Variants in ZFHX3 observed in about 807,000 individuals in gnomAD.
ZFHX3 encodes the protein zinc finger homeobox protein 3.
In ZFHX3, 42 loss-of-function variants were observed where a neutral mutation model predicts 279.1. The ratio of observed to expected loss-of-function variants is 0.15; its 90% confidence interval spans 0.12 to 0.19. The LOEUF (loss-of-function observed/expected upper bound fraction) is 0.19, where lower values mean the gene tolerates loss of function less well. Among genes scored for constraint, ZFHX3 ranks in the 10% least tolerant of loss-of-function variants. The pLI is 1.00. For missense variants in ZFHX3, 4,981 were observed against 4,754.0 expected, an observed-to-expected ratio of 1.05 and a Z score of -1.40; for synonymous variants, 2,293 against 1,957.8, an observed-to-expected ratio of 1.17 and a Z score of -4.52.
At chr16:73,660,679 G>A (rs754961980) in intron 2 of ZFHX3, among the ~76,000 whole-genome samples, 6 of 151,938 alleles carry the variant, frequency 3.9e-5, no homozygotes, top group Non-Finnish European at 8.8e-5. Context: ...CAATGAAAAC[G>A]TGCTTTTGCA....
At chr16:73,755,031 G>A (rs1366030334) in intron 1 of ZFHX3, among the ~76,000 whole-genome samples, 1 of 152,144 alleles carries the variant, frequency 6.6e-6, no homozygotes, top group East Asian at 1.9e-4. Context: ...AGATGCTTGT[G>A]TCATTTCTAC....
chr16:73,270,079 C>T (rs750164316), intron 4 of ZFHX3, among the ~76,000 whole-genome samples: 1 of 152,116 alleles, frequency 6.6e-6, no homozygotes, highest in Admixed American at 6.5e-5. Context: ...GCATTGCTAT[C>T]AGCAACATAT....
intron 4 of ZFHX3, among the ~76,000 whole-genome samples, chr16:72,874,132 T>C (rs900016781): frequency 2.0e-5 from 3 of 151,712 alleles, no homozygotes; most frequent in Admixed American, 6.6e-5. Flanking sequence ...AGGTGGTCTT[T>C]CGTGACGCAT....
chr16:73,121,255 C>G (rs1471003375), intron 7 of ZFHX3, among the ~76,000 whole-genome samples: 1 of 152,152 alleles, frequency 6.6e-6, no homozygotes. Context: ...AAAATATGCA[C>G]TGGCTTTCAA....
Position 73,369,840 on chromosome 16 carries a change from T to TTCTC in ZFHX3, c.-1290-51508_-1290-51505dup, listed in dbSNP as rs141368995. 8.0e-4 allele frequency among the ~76,000 whole-genome samples: 115 copies of TTCTC among 143,702 alleles called. 1 individual carries two copies. In the Middle Eastern group the frequency reaches 0.01, roughly 13 times the overall value. The allele number at this position is 143,702 out of a possible 152,430, so 94.3% of individuals were successfully genotyped here. A position where few individuals can be genotyped will look rare whatever the true frequency, so the allele number is the denominator to read the frequency against. ...AATTACTTAGAATTAGGATGGTCCTTTCTCTCTCTCTCTCTCTCTGTCTCT... is the reference window on the plus strand; with the variant it reads ...AATTACTTAGAATTAGGATGGTCCTTTCTCTCTCTCTCTCTCTCTCTCTGTCTCT... On this transcript the variant is annotated intron_variant, in intron 3 of 17. Coordinates refer to the ZFHX3 transcript ENST00000641206.
intron 2 of ZFHX3, among the ~76,000 whole-genome samples, chr16:73,584,527 A>G (rs554541070): frequency 7.2e-5 from 11 of 152,330 alleles, no homozygotes; most frequent in African/African-American, 2.4e-4. Context: ...ATAGTGGGGA[A>G]AAAATATTTT....
intron 1 of ZFHX3, among the ~76,000 whole-genome samples, chr16:73,044,216 C>G (rs1325543754): frequency 6.6e-6 from 1 of 152,108 alleles, no homozygotes; most frequent in African/African-American, 2.4e-5. Flanking sequence ...TAACCATTAC[C>G]ACCAAATTCT....
intron 2 of ZFHX3, among the ~76,000 whole-genome samples, chr16:73,585,184 G>A (rs189794701): frequency 1.2e-4 from 19 of 152,304 alleles, no homozygotes; most frequent in African/African-American, 3.8e-4. Flanking sequence ...TTGGGAGGCC[G>A]AGGTGGGCGG....
intron 4 of ZFHX3, among the ~76,000 whole-genome samples, chr16:72,867,146 C>T (rs577941454): frequency 2.0e-5 from 3 of 152,260 alleles, no homozygotes; most frequent in Admixed American, 6.5e-5. Context: ...ACTGTCCAGG[C>T]GGCATCCTCA....
intron 1 of ZFHX3, among the ~76,000 whole-genome samples, chr16:73,778,558 CA>C (rs1347264746): frequency 6.6e-6 from 1 of 152,172 alleles, no homozygotes; most frequent in Non-Finnish European, 1.5e-5. Flanking sequence ...AACTATTTTC[CA>C]AAGTCAGACT....
chr16:73,059,372 G>GCACGCA (rs1965646558), exon 1 of ZFHX3: 1 of 146,152 alleles, frequency 6.8e-6, no homozygotes, highest in Admixed American at 6.8e-5. Flanking sequence ...ACGAGCGCGC[G>GCACGCA]CACACACACA....
At chr16:73,043,242 A>C (rs1444529304) in intron 1 of ZFHX3, among the ~76,000 whole-genome samples, 2 of 152,190 alleles carry the variant, frequency 1.3e-5, no homozygotes, top group Non-Finnish European at 2.9e-5. Context: ...AAAGGTACAC[A>C]TCAAACCCCC....
intron 1 of ZFHX3, among the ~76,000 whole-genome samples, chr16:73,875,060 G>C (rs2029904417): frequency 6.6e-6 from 1 of 152,166 alleles, no homozygotes; most frequent in Admixed American, 6.5e-5. Context: ...TAGCTGTTAA[G>C]TGAGCTAAGA....
intron 5 of ZFHX3, among the ~76,000 whole-genome samples, chr16:73,146,153 G>C (rs1475183891): frequency 1.3e-5 from 2 of 152,140 alleles, no homozygotes; most frequent in Non-Finnish European, 2.9e-5. Flanking sequence ...ATCTGGGCCG[G>C]GTGCGGTGAC....
chr16:73,778,252 A>AAAAAAG (rs1959328519), intron 1 of ZFHX3, among the ~76,000 whole-genome samples: 1 of 150,346 alleles, frequency 6.7e-6, no homozygotes, highest in East Asian at 1.9e-4. Flanking sequence ...AAAAAAAAAA[A>AAAAAAG]AAAAAAAAAA....
intron 2 of ZFHX3, among the ~76,000 whole-genome samples, chr16:73,467,416 G>C (rs1270466213): frequency 1.3e-5 from 2 of 152,150 alleles, no homozygotes; most frequent in African/African-American, 2.4e-5. Flanking sequence ...TTACTTGCAG[G>C]GAAATGGGGG....
chr16:73,477,842 C>A (rs1185044356), intron 2 of ZFHX3, among the ~76,000 whole-genome samples: 3 of 152,172 alleles, frequency 2.0e-5, no homozygotes, highest in Non-Finnish European at 4.4e-5. Flanking sequence ...ACCACAAGTT[C>A]AAAGGAGAAC....
chr16:72,858,405 A>G (rs988529955), intron 4 of ZFHX3, among the ~76,000 whole-genome samples: 8 of 152,218 alleles, frequency 5.3e-5, no homozygotes, highest in African/African-American at 1.9e-4. Flanking sequence ...CCCCTTAAAC[A>G]TAGCCGGCAA....
intron 1 of ZFHX3, among the ~76,000 whole-genome samples, chr16:72,975,909 CTT>C (rs1289703103): frequency 1.3e-5 from 2 of 152,196 alleles, no homozygotes; most frequent in Admixed American, 6.5e-5. Context: ...TTGAAAATCT[CTT>C]ATCTGAGCAC....
Sources: allele counts gnomAD v4.1 joint callset (sites outside exome capture counted in the v4.1 genomes callset), GRCh38; gene constraint gnomAD v4.1.1; transcripts MANE v1.5; gene names NCBI Gene and HGNC (gene_info 2026-07-23, HGNC 2026-07-21).